The following PIGK variants were observed in gnomAD, a reference collection of about 807,000 sequenced individuals.
PIGK encodes the protein GPI-anchor transamidase.
A neutral mutation model predicts 50.6 loss-of-function variants in PIGK; 42 were observed. That is an observed-to-expected ratio of 0.83 (90% CI 0.65 to 1.07). The LOEUF (loss-of-function observed/expected upper bound fraction) is 1.07, where lower values mean the gene tolerates loss of function less well. Ranked by LOEUF, PIGK falls within the 50% of genes least tolerant of loss-of-function variation. The probability of loss-of-function intolerance (pLI) is 0.00; values close to 1 mark genes in which losing one functional copy is unlikely to be tolerated. For missense variants in PIGK, 448 were observed against 488.7 expected, an observed-to-expected ratio of 0.92 and a Z score of 0.78; for synonymous variants, 151 against 156.0, an observed-to-expected ratio of 0.97 and a Z score of 0.24.
chr1:77,099,853 C>T (rs1234780014), intron 10 of PIGK, among the ~76,000 whole-genome samples: 1 of 145,860 alleles, frequency 6.9e-6, no homozygotes. Flanking sequence ...ATTAAATGCA[C>T]TCCTCTTTTT....
rs775603566 is a variant in PIGK, at chr1:77,219,371, G to A, written c.32C>T (p.Ala11Val). 1 of 1,613,670 alleles carries A rather than the reference G, an allele frequency of 6.2e-7. No individual in the cohort carries two copies. Among genetic ancestry groups the A allele is most frequent in the East Asian group, 2.2e-5 (1 of 44,846 alleles). The change falls in exon 1 of 11, where the codon GCG (alanine) becomes GTG (valine). Residue 11 changes from alanine (A) to valine (V), a missense_variant. Transcript: ENST00000370812. ...GAGCAACACAGTTGCCAAGACAGTC[G>A]CAGCCCGGCTGAGGCTGTCGGTGAC... MAVTDSLSRA[A>V]TVLATVLLLS...
At chr1:77,191,534 C>A (rs1655903813) in intron 3 of PIGK, among the ~76,000 whole-genome samples, 1 of 152,206 alleles carries the variant, frequency 6.6e-6, no homozygotes, top group African/African-American at 2.4e-5. Context: ...CTGAATTATA[C>A]ATTTTGCCTA....
intron 3 of PIGK, among the ~76,000 whole-genome samples, chr1:77,192,982 C>A (rs1434516261): frequency 6.6e-6 from 1 of 152,042 alleles, no homozygotes; most frequent in African/African-American, 2.4e-5. Context: ...GAGATGGATA[C>A]CACTTTAAAT....
chr1:77,178,061 T>C (rs1383157399), intron 3 of PIGK, among the ~76,000 whole-genome samples: 1 of 152,192 alleles, frequency 6.6e-6, no homozygotes, highest in Admixed American at 6.5e-5. Flanking sequence ...CTATGAACAA[T>C]AGAAATAAAA....
At chr1:77,155,734 T>C (rs1222094081) in intron 8 of PIGK, among the ~76,000 whole-genome samples, 2 of 152,122 alleles carry the variant, frequency 1.3e-5, no homozygotes, top group Admixed American at 6.6e-5. Context: ...AGGAAAAATA[T>C]TATAGGCCTG....
At chr1:77,139,209 T>G (rs891919506) in intron 9 of PIGK, among the ~76,000 whole-genome samples, 1 of 152,062 alleles carries the variant, frequency 6.6e-6, no homozygotes, top group African/African-American at 2.4e-5. Flanking sequence ...ATTCGGCACT[T>G]GAGTTTTAGC....
At chr1:77,149,786 G>C (rs917044638) in intron 9 of PIGK, among the ~76,000 whole-genome samples, 12 of 152,112 alleles carry the variant, frequency 7.9e-5, no homozygotes, top group Non-Finnish European at 1.5e-4. Flanking sequence ...TGCTGCTGCA[G>C]ATTATACATT....
At chr1:77,202,169 T>C (rs973690598) in intron 3 of PIGK, among the ~76,000 whole-genome samples, 2 of 152,212 alleles carry the variant, frequency 1.3e-5, no homozygotes, top group African/African-American at 4.8e-5. Flanking sequence ...AAAAGTTTCC[T>C]TTCTCGTCTA....
At chr1:77,111,410 T>C (rs1653838268) in intron 10 of PIGK, among the ~76,000 whole-genome samples, 1 of 152,140 alleles carries the variant, frequency 6.6e-6, no homozygotes. Context: ...ATATACACCA[T>C]GGAATACTAT....
At chr1:77,142,209 G>A (rs1654664250) in intron 9 of PIGK, among the ~76,000 whole-genome samples, 1 of 152,096 alleles carries the variant, frequency 6.6e-6, no homozygotes, top group South Asian at 2.1e-4. Flanking sequence ...CTGTCAGAAT[G>A]GGCTATAGAT....
intron 8 of PIGK, among the ~76,000 whole-genome samples, chr1:77,155,765 C>T (rs577158000): frequency 3.3e-5 from 5 of 152,128 alleles, no homozygotes; most frequent in Non-Finnish European, 7.3e-5. Flanking sequence ...TCCAGGCGCA[C>T]AGCACCTATC....
intron 10 of PIGK, among the ~76,000 whole-genome samples, chr1:77,117,830 A>G (rs539830212): frequency 1.3e-5 from 2 of 152,178 alleles, no homozygotes; most frequent in Non-Finnish European, 2.9e-5. Flanking sequence ...AGGGTAAAGC[A>G]TAAAAATATG....
At chr1:77,154,930 A>C (rs1049384974) in intron 8 of PIGK, among the ~76,000 whole-genome samples, 1 of 152,198 alleles carries the variant, frequency 6.6e-6, no homozygotes, top group Admixed American at 6.5e-5. Context: ...ACTCATACTC[A>C]ACACGATGAA....
At chr1:77,113,680 T>C (rs1653902812) in intron 10 of PIGK, among the ~76,000 whole-genome samples, 1 of 152,088 alleles carries the variant, frequency 6.6e-6, no homozygotes, top group Admixed American at 6.5e-5. Flanking sequence ...TTATTGAAAA[T>C]TGCGTTATGA....
At chr1:77,173,899 T>C (rs1655421647) in intron 3 of PIGK, among the ~76,000 whole-genome samples, 1 of 152,232 alleles carries the variant, frequency 6.6e-6, no homozygotes, top group Non-Finnish European at 1.5e-5. Flanking sequence ...TGGTGGTACT[T>C]TCTCTTAGTC....
intron 3 of PIGK, 106 bp downstream of exon 3, chr1:77,206,534 T>G: frequency 1.5e-6 from 1 of 688,888 alleles, no homozygotes; most frequent in Non-Finnish European, 2.5e-6. Context: ...AATCAGATTT[T>G]TTTTTTTACC....
At chr1:77,098,898 C>T (rs1004689634) in intron 10 of PIGK, among the ~76,000 whole-genome samples, 1 of 152,106 alleles carries the variant, frequency 6.6e-6, no homozygotes, top group Non-Finnish European at 1.5e-5. Context: ...TTAAGTATTT[C>T]TTTCTCTTCT....
At position 77,090,417 on chromosome 1, in the gene PIGK, A is replaced by G. The variant is rs1441177669; in HGVS notation, c.*1957T>C. The G allele has an allele frequency of 6.6e-6, 1 of 152,236 alleles. No homozygotes were observed. Among genetic ancestry groups the G allele is most frequent in the Non-Finnish European group, 1.5e-5 (1 of 68,034 alleles). The allele number at this position is 152,236 out of a possible 1,614,324, so 9.4% of individuals were successfully genotyped here. ...TTAACTATATTCTGAAGATTCAATA[A>G]TGAAACAGAGGAACAACTGCCCTTT... On this transcript the variant is annotated 3_prime_UTR_variant, in exon 11 of 11. Transcript: ENST00000370812.
At chr1:77,118,866 G>A (rs1654035697) in intron 10 of PIGK, among the ~76,000 whole-genome samples, 1 of 152,164 alleles carries the variant, frequency 6.6e-6, no homozygotes, top group Admixed American at 6.5e-5. Flanking sequence ...TTGTTCCTGG[G>A]TGTGTCTGTG....
Sources: gnomAD v4.1 joint callset for allele counts (sites outside exome capture counted in the v4.1 genomes callset) on GRCh38, gnomAD v4.1.1 for gene constraint, MANE v1.5 for transcripts, NCBI Gene and HGNC (gene_info 2026-07-23, HGNC 2026-07-21) for gene names.